PRKCZ: variants seen among roughly 807,000 people sequenced by gnomAD.
The protein encoded by PRKCZ is protein kinase C zeta type.
A neutral mutation model predicts 79.5 loss-of-function variants in PRKCZ; 33 were observed. That is an observed-to-expected ratio of 0.41 (90% CI 0.31 to 0.55). The LOEUF is 0.55. Among genes scored for constraint, PRKCZ ranks in the 20% least tolerant of loss-of-function variants. PRKCZ has a pLI of 0.19. For missense variants in PRKCZ, 578 were observed against 813.5 expected (o/e 0.71, Z 3.52); for synonymous variants, 342 against 320.9 (o/e 1.07, Z -0.70).
At chr1:2,130,775 C>T (rs554721727) in intron 4 of PRKCZ, among the ~76,000 whole-genome samples, 1 of 152,124 alleles carries the variant, frequency 6.6e-6, no homozygotes, top group South Asian at 2.1e-4. Flanking sequence ...CCATACTCAC[C>T]CTCATGGAAA....
intron 4 of PRKCZ, among the ~76,000 whole-genome samples, chr1:2,092,257 C>T (rs935955668): frequency 2.6e-4 from 40 of 152,174 alleles, no homozygotes; most frequent in South Asian, 2.1e-4. Flanking sequence ...AGGAGGAGGC[C>T]GGGAACCCTG....
rs1175626446 is a variant in PRKCZ at position 2,125,529 on chromosome 1, C to A, written c.335-9733C>A. Among the ~76,000 whole-genome samples, 5 of 152,158 alleles carry A rather than the reference C, an allele frequency of 3.3e-5. No individual in the cohort carries two copies. Among genetic ancestry groups the A allele is most frequent in the Admixed American group, 6.5e-5 (1 of 15,282 alleles). On this transcript the variant is annotated intron_variant, in intron 4 of 17. Transcript: ENST00000378567. The surrounding 1 kb of genome is among the most constrained non-coding windows in gnomAD (Gnocchi z 4.2). The stretch of plus-strand genomic sequence containing the variant: ...CTGGAGGCTTTGGCCCTTGTCCCAC[C>A]CCTGCTCCCCTGAGGAGGGAGGCGT...
chr1:2,109,705 A>G (rs1171694195), intron 4 of PRKCZ, among the ~76,000 whole-genome samples: 1 of 152,004 alleles, frequency 6.6e-6, no homozygotes, highest in Admixed American at 6.6e-5. Flanking sequence ...GGTCCACCTC[A>G]TTTACGGGGT....
At chr1:2,114,539 G>T (rs1670357865) in intron 4 of PRKCZ, among the ~76,000 whole-genome samples, 1 of 152,240 alleles carries the variant, frequency 6.6e-6, no homozygotes, top group East Asian at 1.9e-4. Flanking sequence ...ACTTTGGGAG[G>T]CCGAGGCGGG....
intron 16 of PRKCZ, chr1:2,184,267 T>C (rs1687192461): frequency 3.1e-6 from 1 of 319,528 alleles, no homozygotes; most frequent in Non-Finnish European, 6.0e-6. Context: ...GCCAGTTAGT[T>C]GTCGGTGCCC....
intron 4 of PRKCZ, among the ~76,000 whole-genome samples, chr1:2,106,619 A>G: frequency 1.7e-5 from 1 of 57,478 alleles, no homozygotes; most frequent in Non-Finnish European, 3.7e-5. Context: ...TCACCAGGCC[A>G]GGTAACTCTC....
chr1:2,086,990 T>C (rs1292709378), intron 4 of PRKCZ, among the ~76,000 whole-genome samples: 2 of 152,194 alleles, frequency 1.3e-5, no homozygotes, highest in Non-Finnish European at 1.5e-5. Flanking sequence ...CGTTTATTCA[T>C]TTGTTGTCTT....
Position 2,123,649 on chromosome 1 carries a change from A to G in PRKCZ, c.335-11613A>G, listed in dbSNP as rs866512818. On this transcript the variant is annotated intron_variant, in intron 4 of 17. Coordinates refer to ENST00000378567, the MANE Select transcript of PRKCZ (RefSeq NM_002744.6). ...CGGCGGTGGTTAGGGTCACGGTGGT[A>G]GTTAGGGTCACGGTGGTGGTTAGGG... Among the ~76,000 whole-genome samples, 10 of 27,670 alleles carry G rather than the reference A, an allele frequency of 3.6e-4. 2 individuals are homozygous for G. The highest frequency in any genetic ancestry group is 8.6e-4 in the Admixed American group (2 of 2,328). The allele number at this position is 27,670 out of a possible 152,430, so 18.2% of individuals were successfully genotyped here.
At chr1:2,158,951 A>G (rs1447535007) in intron 10 of PRKCZ, among the ~76,000 whole-genome samples, 1 of 149,880 alleles carries the variant, frequency 6.7e-6, no homozygotes, top group East Asian at 2.0e-4. Flanking sequence ...TTTGAGACGG[A>G]GTCTTGCTCT....
At chr1:2,175,186 TG>T (rs769885901) in intron 15 of PRKCZ, 37 bp from the exon 16 acceptor site, 1 of 1,580,288 alleles carries the variant, frequency 6.3e-7, no homozygotes, top group Admixed American at 1.7e-5. Context: ...GCTTCCGGGA[TG>T]GGGCTGACTT....
chr1:2,120,647 C>T (rs1231115917), intron 4 of PRKCZ, among the ~76,000 whole-genome samples: 1 of 152,016 alleles, frequency 6.6e-6, no homozygotes, highest in African/African-American at 2.4e-5. Flanking sequence ...GGGACCCCCA[C>T]ACTTCACACC....
intron 4 of PRKCZ, among the ~76,000 whole-genome samples, chr1:2,113,213 A>G (rs1670099102): frequency 6.6e-6 from 1 of 152,170 alleles, no homozygotes; most frequent in African/African-American, 2.4e-5. Flanking sequence ...ATTCATGAGT[A>G]TGTTTTTTAA....
rs1382118772 is a variant in PRKCZ, at chr1:2,063,946, A to G, written c.334+4355A>G. Among the ~76,000 whole-genome samples the G allele has an allele frequency of 2.0e-5, 3 of 151,580 alleles. No individual in the cohort carries two copies. The East Asian group carries it at 5.8e-4, about 29-fold the overall frequency. On this transcript the variant is annotated intron_variant, in intron 4 of 17. Coordinates refer to ENST00000378567, the MANE Select transcript of PRKCZ (RefSeq NM_002744.6). Reference sequence around the variant, plus strand: ...CTGCAATCTCCGCCTCCCAGATTCAAATGATTCTCCTGTCTCAGCCTCCTG... The same window carrying G: ...CTGCAATCTCCGCCTCCCAGATTCAGATGATTCTCCTGTCTCAGCCTCCTG...
intron 4 of PRKCZ, among the ~76,000 whole-genome samples, chr1:2,103,613 G>C (rs946486803): frequency 8.5e-5 from 13 of 152,358 alleles, no homozygotes; most frequent in African/African-American, 3.1e-4. Flanking sequence ...TGGGCACGGT[G>C]GCGCGTGTCT....
At chr1:2,060,139 G>T (rs1660540316) in intron 4 of PRKCZ, among the ~76,000 whole-genome samples, 1 of 152,264 alleles carries the variant, frequency 6.6e-6, no homozygotes, top group Non-Finnish European at 1.5e-5. Context: ...CGCATCCCAT[G>T]GCTGTGCTTG....
rs555660008 is a variant in PRKCZ, at chr1:2,163,182, C to T, written c.975-6336C>T. 2.0e-5 allele frequency among the ~76,000 whole-genome samples: 3 copies of T among 152,362 alleles called. No individual in the cohort carries two copies. The East Asian group carries it at 5.8e-4, about 29-fold the overall frequency. On this transcript the variant is annotated intron_variant, in intron 10 of 17. Transcript: ENST00000378567. Reference sequence around the variant, plus strand: ...CAGCTGGAACACTTTGCACCGGAAGCGCAGTGCCATCCTCAAGGCAGAACG... The same window carrying T: ...CAGCTGGAACACTTTGCACCGGAAGTGCAGTGCCATCCTCAAGGCAGAACG...
intron 4 of PRKCZ, among the ~76,000 whole-genome samples, chr1:2,126,567 C>T (rs1285030423): frequency 2.6e-5 from 4 of 152,186 alleles, no homozygotes; most frequent in African/African-American, 7.2e-5. Flanking sequence ...CCCGTGATGT[C>T]ACTGGGAAAT....
At chr1:2,058,548 CCT>C (rs1191792693) in intron 3 of PRKCZ, among the ~76,000 whole-genome samples, 4 of 151,978 alleles carry the variant, frequency 2.6e-5, no homozygotes, top group Non-Finnish European at 5.9e-5. Flanking sequence ...GCACATTTTG[CCT>C]CTCTATGTGG....
intron 3 of PRKCZ, among the ~76,000 whole-genome samples, chr1:2,057,871 ATT>A (rs879612745): frequency 2.9e-5 from 4 of 139,288 alleles, no homozygotes; most frequent in Non-Finnish European, 4.7e-5. Context: ...CACTTGGCTA[ATT>A]TTTTTTTTTT....
Sources: gnomAD v4.1 joint callset for allele counts (sites outside exome capture counted in the v4.1 genomes callset) on GRCh38, gnomAD v4.1.1 for gene constraint, Gnocchi (gnomAD v3.1) non-coding constraint, MANE v1.5 for transcripts, NCBI Gene and HGNC (gene_info 2026-07-23, HGNC 2026-07-21) for gene names.